Variants in OTOA observed in about 807,000 individuals in gnomAD.
The protein encoded by OTOA is cancer/testis antigen 108.
OTOA carries 70 observed loss-of-function variants against 110.8 expected under a neutral mutation model. That is an observed-to-expected ratio of 0.63 (90% confidence interval 0.52 to 0.77). The LOEUF (loss-of-function observed/expected upper bound fraction) is 0.77. Among genes scored for constraint, OTOA ranks in the 30% least tolerant of loss-of-function variants. The pLI is 0.00. For missense variants in OTOA, 917 were observed against 1,075.8 expected (o/e 0.85, Z 2.06); for synonymous variants, 373 against 431.5 (o/e 0.86, Z 1.68).
chr16:21,731,274 C>G (rs1899108558), intron 21 of OTOA, among the ~76,000 whole-genome samples: 2 of 152,230 alleles, frequency 1.3e-5, no homozygotes, highest in South Asian at 4.1e-4. Context: ...CATGTATGTC[C>G]AGTGTATGCA....
intron 24 of OTOA, 59 bp downstream of exon 24, chr16:21,745,095 T>C (rs138269410): frequency 0.17 from 2 of 12 alleles, no homozygotes; most frequent in Non-Finnish European, 0.17. Flanking sequence ...TGCCTTCATA[T>C]CCTTACTGTT....
At chr16:21,681,599 G>T in intron 5 of OTOA, 139 bp from the exon 6 acceptor site, 1 of 700,566 alleles carries the variant, frequency 1.4e-6, no homozygotes, top group Non-Finnish European at 2.5e-6. Flanking sequence ...GAAAAGAAAA[G>T]AGAAACCTCC....
At position 21,734,660 on chromosome 16, in the gene OTOA, C is replaced by G. The variant is rs1597854929; in HGVS notation, c.2302-1601C>G. Among the ~76,000 whole-genome samples the G allele has an allele frequency of 2.6e-5, 4 of 151,500 alleles. No homozygotes were observed. In the East Asian group the frequency reaches 7.8e-4, roughly 29 times the overall value. On this transcript the variant is annotated intron_variant, in intron 21 of 28. Coordinates refer to ENST00000646100, the MANE Select transcript of OTOA (RefSeq NM_144672.4). ...GACCGTCCTGGCTAAGAGGGTGAAA[C>G]CCCGTCTCTACTAAAAAATACAAAA...
intron 9 of OTOA, 73 bp from the exon 10 acceptor site, chr16:21,697,702 T>A: frequency 7.5e-7 from 1 of 1,326,210 alleles, no homozygotes; most frequent in Non-Finnish European, 1.1e-6. Flanking sequence ...AAGATGCTGT[T>A]GACTATCACA....
intron 18 of OTOA, among the ~76,000 whole-genome samples, chr16:21,724,399 T>A (rs1567392203): frequency 6.6e-6 from 1 of 151,972 alleles, no homozygotes; most frequent in Non-Finnish European, 1.5e-5. Flanking sequence ...GAAAAGCCAA[T>A]CACTCTGGGA....
intron 21 of OTOA, among the ~76,000 whole-genome samples, chr16:21,735,407 T>G (rs2141730695): frequency 6.6e-6 from 1 of 152,070 alleles, no homozygotes; most frequent in Middle Eastern, 3.4e-3. Context: ...AAGGGGATTG[T>G]ATTTAACCAT....
intron 6 of OTOA, 123 bp downstream of exon 6, chr16:21,681,948 G>A (rs961910839): frequency 7.1e-5 from 64 of 897,810 alleles, no homozygotes; most frequent in Non-Finnish European, 1.0e-4. Context: ...GCAAGGAAAA[G>A]GGTTCTGTCC....
At chr16:21,708,030 A>G (rs1469472444) in intron 12 of OTOA, among the ~76,000 whole-genome samples, 1 of 151,956 alleles carries the variant, frequency 6.6e-6, no homozygotes, top group Non-Finnish European at 1.5e-5. Flanking sequence ...TAACCTCGTG[A>G]TCCGCCTGCC....
Position 21,760,686 on chromosome 16 carries a change from C to A in OTOA, c.*146C>A. 3.7e-6 allele frequency: 2 copies of A among 535,626 alleles called. No homozygotes were observed. Among genetic ancestry groups the A allele is most frequent in the East Asian group, 7.3e-5 (2 of 27,376 alleles). 33.2% of individuals were successfully genotyped at this position (535,626 alleles called of 1,614,324 possible). A position where few individuals can be genotyped will look rare whatever the true frequency, so the allele number is the denominator to read the frequency against. ...CCCTGGGGCCTTGATGGTGAAAATG[C>A]ACCCCAAATGAAAAATAATTATTAA... is the stretch of plus-strand genomic sequence containing the variant. On this transcript the variant is annotated 3_prime_UTR_variant, in exon 29 of 29. Transcript: ENST00000646100.
rs548709362 is a variant in OTOA at position 21,710,489 on chromosome 16, G to A, written c.1320+386G>A. Among the ~76,000 whole-genome samples the A allele has an allele frequency of 2.6e-5, 4 of 152,254 alleles. No individual in the cohort carries two copies. The South Asian group carries it at 6.2e-4, about 24-fold the overall frequency. On this transcript the variant is annotated intron_variant, in intron 13 of 28. Transcript: ENST00000646100. ...ACCTCCCAATGCCATCACATTAGGG[G>A]TTAGGACTTTGACATATGAATTCTT...
Position 21,684,439 on chromosome 16 carries a change from T to G in OTOA, c.268-791T>G, listed in dbSNP as rs16972655. ...ACAGAGTATGTTCATTTCGCCTGTATTTTGCTCCTGCGCTGGTAGCTTGGG... is the reference window on the plus strand; with the variant it reads ...ACAGAGTATGTTCATTTCGCCTGTAGTTTGCTCCTGCGCTGGTAGCTTGGG... On this transcript the variant is annotated intron_variant, in intron 6 of 28. Transcript: ENST00000646100. 1.9e-3 allele frequency: 2,866 copies of G among 1,538,792 alleles called. 55 individuals are homozygous for G. In the African/African-American group the frequency reaches 0.034, roughly 19 times the overall value.
intron 12 of OTOA, among the ~76,000 whole-genome samples, chr16:21,707,627 T>TTCTTTCTC (rs1898216228): frequency 9.4e-6 from 1 of 106,730 alleles, no homozygotes; most frequent in African/African-American, 2.8e-5. Flanking sequence ...CTTTCTTTCT[T>TTCTTTCTC]TCTTTCTTTC....
chr16:21,682,170 AG>A (rs1304421703), intron 6 of OTOA, among the ~76,000 whole-genome samples: 1 of 152,068 alleles, frequency 6.6e-6, no homozygotes, highest in Non-Finnish European at 1.5e-5. Flanking sequence ...CTATTCCATG[AG>A]GTTATCCAAG....
At chr16:21,707,642 T>TTTCTTTCTTTCTTTCTTTCC (rs1567379529) in intron 12 of OTOA, among the ~76,000 whole-genome samples, 1 of 117,146 alleles carries the variant, frequency 8.5e-6, no homozygotes, top group Non-Finnish European at 2.0e-5. Flanking sequence ...TCTTTCTTTC[T>TTTCTTTCTTTCTTTCTTTCC]TTCTTTCTTT....
intron 24 of OTOA, among the ~76,000 whole-genome samples, chr16:21,750,071 T>C (rs1393273591): frequency 6.6e-6 from 1 of 152,292 alleles, no homozygotes; most frequent in African/African-American, 2.4e-5. Context: ...AATCAGCACA[T>C]GTTTAGTTAC....
intron 1 of OTOA, among the ~76,000 whole-genome samples, chr16:21,665,225 G>A (rs890673358): frequency 6.6e-6 from 1 of 152,148 alleles, no homozygotes; most frequent in African/African-American, 2.4e-5. Flanking sequence ...TGACACTGGA[G>A]AGCAAAGCCA....
rs749821343 is a variant in OTOA at position 21,714,971 on chromosome 16, C to T, written c.1321-14C>T. 23 of 1,613,884 alleles carry T rather than the reference C, an allele frequency of 1.4e-5. No homozygotes were observed. The highest frequency in any genetic ancestry group is 7.7e-5 in the South Asian group (7 of 91,074). ...CGGGAGCAGAGCCTGACTGCGCAGC[C>T]GCTCCTCTTCCAGGTGCTGTCTTTC... On this transcript the variant is annotated splice_polypyrimidine_tract_variant and intron_variant, in intron 13 of 28. Transcript: ENST00000646100.
At chr16:21,666,615 T>G (rs1966840622) in intron 1 of OTOA, among the ~76,000 whole-genome samples, 1 of 152,144 alleles carries the variant, frequency 6.6e-6, no homozygotes, top group Non-Finnish European at 1.5e-5. Context: ...ATTGTCTTCA[T>G]TTCAGGTTTG....
chr16:21,720,365 C>T (rs1000182669), intron 17 of OTOA, among the ~76,000 whole-genome samples: 2 of 152,194 alleles, frequency 1.3e-5, no homozygotes, highest in African/African-American at 4.8e-5. Context: ...TAAAAAGCAC[C>T]TTCTCAACTC....
Sources: allele counts gnomAD v4.1 joint callset (sites outside exome capture counted in the v4.1 genomes callset), GRCh38; gene constraint gnomAD v4.1.1; transcripts MANE v1.5; gene names NCBI Gene and HGNC (gene_info 2026-07-23, HGNC 2026-07-21).